Variants in DPP10 observed in about 807,000 individuals in gnomAD.
DPP10 encodes the protein dipeptidyl peptidase like 10.
In DPP10, 33 loss-of-function variants were observed where a neutral mutation model predicts 120.9. That is an observed-to-expected ratio of 0.27 (90% CI 0.21 to 0.37). The LOEUF (loss-of-function observed/expected upper bound fraction) is 0.37, where lower values mean the gene tolerates loss of function less well. Ranked by LOEUF, DPP10 falls within the 10% of genes least tolerant of loss-of-function variation. DPP10 has a pLI of 1.00. For missense variants in DPP10, 816 were observed against 942.8 expected (o/e 0.87, Z 1.76); for synonymous variants, 337 against 326.1 (o/e 1.03, Z -0.36).
chr2:115,689,360 A>G (rs976245532), intron 5 of DPP10, among the ~76,000 whole-genome samples: 4 of 152,224 alleles, frequency 2.6e-5, no homozygotes, highest in Admixed American at 2.0e-4. Flanking sequence ...AAAAGCCAAA[A>G]TAACAAAATT....
In DPP10 at chr2:115,842,247, A is replaced by G. The variant is rs1690225920; in HGVS notation, c.2293A>G (p.Ser765Gly). Residue 765 changes from serine (S) to glycine (G), a missense_variant, in exon 26 of 26, where the codon AGC becomes GGC. Around this residue, in one of 3 missense-constraint regions of DPP10, gnomAD observed 592 missense variants for 649.0 expected, o/e 0.91. Coordinates refer to ENST00000410059, the MANE Select transcript of DPP10 (RefSeq NM_020868.6). ...PDEGHNVSEKSKYHLYSTILK... is the reference protein window; with the variant it reads ...PDEGHNVSEKGKYHLYSTILK... ...TGAAGGTCATAACGTATCTGAGAAGAGCAAGTATCATCTCTACAGCACAAT... is the reference window on the plus strand; with the variant it reads ...TGAAGGTCATAACGTATCTGAGAAGGGCAAGTATCATCTCTACAGCACAAT... 1.2e-6 allele frequency: 2 copies of G among 1,613,852 alleles called. No homozygotes were observed. The highest frequency in any genetic ancestry group is 2.2e-5 in the East Asian group (1 of 44,856).
At chr2:114,978,760 A>C (rs1322655925) in intron 1 of DPP10, among the ~76,000 whole-genome samples, 8 of 152,150 alleles carry the variant, frequency 5.3e-5, no homozygotes, top group Non-Finnish European at 1.0e-4. Context: ...TATATATCCA[A>C]ATGATTTCTT....
intron 1 of DPP10, among the ~76,000 whole-genome samples, chr2:115,244,464 T>G (rs2058441118): frequency 1.3e-5 from 2 of 151,880 alleles, no homozygotes; most frequent in South Asian, 4.1e-4. Context: ...CCAAAACAAA[T>G]AGCTTACATA....
intron 10 of DPP10, among the ~76,000 whole-genome samples, chr2:115,748,198 A>G (rs1448088408): frequency 6.7e-6 from 1 of 148,642 alleles, no homozygotes; most frequent in African/African-American, 2.4e-5. Context: ...TATTTAAATA[A>G]TTCATTTTAT....
At chr2:115,070,034 C>A (rs1437833704) in intron 1 of DPP10, among the ~76,000 whole-genome samples, 1 of 151,888 alleles carries the variant, frequency 6.6e-6, no homozygotes, top group African/African-American at 2.4e-5. Flanking sequence ...AACTTAATAA[C>A]CTGGAATGCT....
At chr2:114,753,908 C>CAAAAAAA (rs777798352) in intron 1 of DPP10, among the ~76,000 whole-genome samples, 10 of 33,758 alleles carry the variant, frequency 3.0e-4, no homozygotes, top group African/African-American at 3.6e-4. Context: ...GACTCCTTCT[C>CAAAAAAA]AAAAAAAAAA....
chr2:115,225,274 G>GAC (rs1393436145), intron 1 of DPP10, among the ~76,000 whole-genome samples: 2 of 151,964 alleles, frequency 1.3e-5, no homozygotes, highest in Non-Finnish European at 2.9e-5. Context: ...GAGGGAAGAA[G>GAC]ACAGGTTGCA....
chr2:115,447,326 G>A (rs552916504), intron 3 of DPP10, among the ~76,000 whole-genome samples: 1 of 152,266 alleles, frequency 6.6e-6, no homozygotes, highest in South Asian at 2.1e-4. Context: ...ATGCTCATAG[G>A]CGGAAGGGAC....
At chr2:115,160,899 C>T (rs945872742) in intron 1 of DPP10, among the ~76,000 whole-genome samples, 2 of 152,148 alleles carry the variant, frequency 1.3e-5, no homozygotes, top group Non-Finnish European at 2.9e-5. Flanking sequence ...GCGACCCTCT[C>T]TCTGAGCCTC....
intron 7 of DPP10, among the ~76,000 whole-genome samples, chr2:115,717,791 T>C (rs371868613): frequency 7.9e-5 from 12 of 152,290 alleles, no homozygotes; most frequent in East Asian, 7.7e-4. Flanking sequence ...CCTTGCTGGA[T>C]GCTGAGGGTC....
intron 1 of DPP10, among the ~76,000 whole-genome samples, chr2:114,602,999 A>T (rs1304411704): frequency 6.6e-6 from 1 of 152,038 alleles, no homozygotes; most frequent in African/African-American, 2.4e-5. Context: ...TGTATTGTAA[A>T]CATGGCGGAA....
chr2:114,564,999 C>A (rs1689087012), intron 1 of DPP10, among the ~76,000 whole-genome samples: 1 of 152,108 alleles, frequency 6.6e-6, no homozygotes, highest in Non-Finnish European at 1.5e-5. Flanking sequence ...CTCTTATTGC[C>A]TTCAGGGAAC....
At chr2:115,186,501 G>GCTTA (rs2054448044) in intron 1 of DPP10, among the ~76,000 whole-genome samples, 1 of 152,130 alleles carries the variant, frequency 6.6e-6, no homozygotes, top group Non-Finnish European at 1.5e-5. Context: ...TATCCTTGGT[G>GCTTA]GTAGTAGTGG....
intron 11 of DPP10, among the ~76,000 whole-genome samples, chr2:115,761,411 T>C (rs1680098292): frequency 6.6e-6 from 1 of 152,148 alleles, no homozygotes; most frequent in Non-Finnish European, 1.5e-5. Context: ...ATCATACTAT[T>C]GATCTGACAC....
chr2:115,325,221 G>A (rs2062289119), intron 2 of DPP10, among the ~76,000 whole-genome samples: 1 of 152,112 alleles, frequency 6.6e-6, no homozygotes, highest in African/African-American at 2.4e-5. Flanking sequence ...AACAATGTCT[G>A]CAAAGTGTAA....
chr2:114,542,831 T>G (rs1687060663), intron 1 of DPP10, among the ~76,000 whole-genome samples: 1 of 152,224 alleles, frequency 6.6e-6, no homozygotes, highest in Non-Finnish European at 1.5e-5. Context: ...TGCCTCATAG[T>G]GTGGGTTTTA....
intron 5 of DPP10, among the ~76,000 whole-genome samples, chr2:115,589,989 C>G (rs1229056271): frequency 6.6e-6 from 1 of 152,024 alleles, no homozygotes; most frequent in Admixed American, 6.5e-5. Context: ...CCCTCTAACA[C>G]TTTGAAGCAC....
At chr2:114,486,687 T>C (rs1032149787) in intron 1 of DPP10, among the ~76,000 whole-genome samples, 8 of 151,752 alleles carry the variant, frequency 5.3e-5, no homozygotes, top group Non-Finnish European at 1.2e-4. Context: ...TTTTGATTTG[T>C]TTTTTTTCTT....
At chr2:115,294,681 T>G (rs1222951971) in intron 1 of DPP10, among the ~76,000 whole-genome samples, 1 of 152,112 alleles carries the variant, frequency 6.6e-6, no homozygotes, top group African/African-American at 2.4e-5. Context: ...ATGGAATCCT[T>G]ACACCTATGT....
Sources: gnomAD v4.1 joint callset for allele counts (sites outside exome capture counted in the v4.1 genomes callset) on GRCh38, gnomAD v4.1.1 for gene constraint, gnomAD v4.1.1 regional missense constraint, MANE v1.5 for transcripts, NCBI Gene and HGNC (gene_info 2026-07-23, HGNC 2026-07-21) for gene names.